The following RDH10 variants were observed in gnomAD, a reference collection of about 807,000 sequenced individuals.
The protein encoded by RDH10 is retinol dehydrogenase 10 (all-trans).
A neutral mutation model predicts 30.2 loss-of-function variants in RDH10; 12 were observed. The ratio of observed to expected loss-of-function variants is 0.40; its 90% CI spans 0.25 to 0.64. The LOEUF is 0.64. Ranked by LOEUF, RDH10 falls within the 30% of genes least tolerant of loss-of-function variation. The probability of loss-of-function intolerance (pLI) is 0.43; values close to 1 mark genes in which losing one functional copy is unlikely to be tolerated. For synonymous variants in RDH10, 189 were observed against 172.2 expected (o/e 1.10, Z -0.76); for missense variants, 268 against 445.2 (o/e 0.60, Z 3.58).
chr8:73,320,427 G>T (rs1814745026), intron 3 of RDH10, among the ~76,000 whole-genome samples: 1 of 151,234 alleles, frequency 6.6e-6, no homozygotes, highest in Non-Finnish European at 1.5e-5. Flanking sequence ...ACCACATCAG[G>T]TATCTGGTTT....
chr8:73,314,459 T>G (rs891175882), intron 2 of RDH10, among the ~76,000 whole-genome samples: 4 of 152,224 alleles, frequency 2.6e-5, no homozygotes, highest in Non-Finnish European at 5.9e-5. Flanking sequence ...TTGGAGTAAT[T>G]GCTCGCCTCT....
chr8:73,322,014 G>C (rs767461093), intron 4 of RDH10: 3 of 456,178 alleles, frequency 6.6e-6, no homozygotes, highest in South Asian at 4.6e-5. Context: ...ATGTACTTGG[G>C]AAGCAGTTGC....
In RDH10 at chr8:73,297,472, A is replaced by G; in HGVS notation, c.525+43A>G. On this transcript the variant is annotated intron_variant, in intron 2 of 5. Coordinates refer to ENST00000240285, the MANE Select transcript of RDH10 (RefSeq NM_172037.5). The stretch of plus-strand genomic sequence containing the variant: ...TGTTTTCTTTGCTGGGCCCTCCTTA[A>G]TGAGAAGGTTGGGAAGGGGAGAGAC... The G allele has an allele frequency of 5.0e-6, 7 of 1,399,966 alleles. No individual in the cohort carries two copies. In the South Asian group the frequency reaches 5.8e-5, roughly 12 times the overall value. 86.7% of individuals were successfully genotyped at this position (1,399,966 alleles called of 1,614,324 possible).
At chr8:73,301,171 C>G (rs1814367803) in intron 2 of RDH10, among the ~76,000 whole-genome samples, 1 of 150,188 alleles carries the variant, frequency 6.7e-6, no homozygotes, top group Admixed American at 6.6e-5. Flanking sequence ...CTGCCTCAGC[C>G]TCCCGAGTAG....
At chr8:73,305,289 A>T (rs1421179202) in intron 2 of RDH10, among the ~76,000 whole-genome samples, 2 of 152,234 alleles carry the variant, frequency 1.3e-5, no homozygotes, top group Non-Finnish European at 2.9e-5. Context: ...AATTCTAATG[A>T]ATCGGTTTTA....
At chr8:73,301,042 C>CTTTTTTTT (rs57107587) in intron 2 of RDH10, among the ~76,000 whole-genome samples, 2 of 87,238 alleles carry the variant, frequency 2.3e-5, no homozygotes, top group African/African-American at 4.8e-5. Context: ...AAACTCTATT[C>CTTTTTTTT]TTTTTTTTTT....
intron 2 of RDH10, among the ~76,000 whole-genome samples, chr8:73,301,340 G>A (rs561755838): frequency 6.0e-5 from 9 of 150,814 alleles, no homozygotes; most frequent in Non-Finnish European, 1.0e-4. Context: ...GTGAGCCACC[G>A]CGCCCGGCCA....
At chr8:73,308,490 G>A (rs1814501395) in intron 2 of RDH10, among the ~76,000 whole-genome samples, 1 of 152,190 alleles carries the variant, frequency 6.6e-6, no homozygotes, top group South Asian at 2.1e-4. Context: ...CCAAGGTAAA[G>A]TTGGAAAGCC....
intron 2 of RDH10, among the ~76,000 whole-genome samples, chr8:73,314,746 C>T (rs1021273955): frequency 3.3e-5 from 5 of 152,142 alleles, no homozygotes; most frequent in African/African-American, 7.2e-5. Flanking sequence ...TGGTTGTTGA[C>T]GCTGTGAGTG....
intron 2 of RDH10, among the ~76,000 whole-genome samples, chr8:73,306,682 G>A (rs892269930): frequency 2.0e-5 from 3 of 152,218 alleles, no homozygotes; most frequent in African/African-American, 7.2e-5. Flanking sequence ...AACTTTCAAA[G>A]ATCACACAAA....
chr8:73,304,576 T>C (rs1026557568), intron 2 of RDH10, among the ~76,000 whole-genome samples: 2 of 152,196 alleles, frequency 1.3e-5, no homozygotes, highest in Admixed American at 6.5e-5. Context: ...CTTCCAAAGC[T>C]GATTTCCACC....
At chr8:73,307,126 C>T (rs1182696225) in intron 2 of RDH10, among the ~76,000 whole-genome samples, 2 of 152,068 alleles carry the variant, frequency 1.3e-5, no homozygotes, top group Non-Finnish European at 1.5e-5. Context: ...TTAAGTGTTG[C>T]GATTTTTACT....
Position 73,295,116 on chromosome 8 carries a change from G to T in RDH10, c.-174G>T, listed in dbSNP as rs1814234491. 1 of 461,932 alleles carries T rather than the reference G, an allele frequency of 2.2e-6. No individual in the cohort carries two copies. Among genetic ancestry groups the T allele is most frequent in the Non-Finnish European group, 3.5e-6 (1 of 282,982 alleles). 28.6% of individuals were successfully genotyped at this position (461,932 alleles called of 1,614,324 possible). A position where few individuals can be genotyped will look rare whatever the true frequency, so the allele number is the denominator to read the frequency against. On this transcript the variant is annotated 5_prime_UTR_variant, in exon 1 of 6. Coordinates refer to ENST00000240285, the MANE Select transcript of RDH10 (RefSeq NM_172037.5). ...CCCGGGCGGGAGTGGCCCCGCGCAG[G>T]CAGGGAGCGGCGCCGCGCACTCCAA...
At chr8:73,306,968 T>C (rs941370952) in intron 2 of RDH10, among the ~76,000 whole-genome samples, 1 of 152,222 alleles carries the variant, frequency 6.6e-6, no homozygotes. Flanking sequence ...CCACCTTAAG[T>C]TGTAATTAAC....
At chr8:73,298,516 CTTTA>C (rs138548865) in intron 2 of RDH10, among the ~76,000 whole-genome samples, 62,206 of 150,854 alleles carry the variant, frequency 0.41, 13,877 homozygotes, top group South Asian at 0.65. Flanking sequence ...TAAATATGAA[CTTTA>C]TTTATTTATT....
At position 73,323,242 on chromosome 8, in the gene RDH10, A is replaced by G. The variant is rs1586198458; in HGVS notation, c.*206A>G. On this transcript the variant is annotated 3_prime_UTR_variant, in exon 6 of 6. Transcript: ENST00000240285. Reference sequence around the variant, plus strand: ...TACAAGTGAACTTAGGTTGTTGCCAACAGGGTCCTTTTAGGCAGAACCCAG... The same window carrying G: ...TACAAGTGAACTTAGGTTGTTGCCAGCAGGGTCCTTTTAGGCAGAACCCAG... 20 of 453,208 alleles carry G rather than the reference A, an allele frequency of 4.4e-5. No individual in the cohort carries two copies. In the East Asian group the frequency reaches 7.8e-4, roughly 18 times the overall value. 28.1% of individuals were successfully genotyped at this position (453,208 alleles called of 1,614,324 possible).
At chr8:73,302,858 C>G (rs1209271691) in intron 2 of RDH10, among the ~76,000 whole-genome samples, 3 of 152,090 alleles carry the variant, frequency 2.0e-5, no homozygotes, top group East Asian at 1.9e-4. Flanking sequence ...TCTGTAGATC[C>G]TTTTTAACCG....
At chr8:73,306,142 C>T (rs1024555770) in intron 2 of RDH10, among the ~76,000 whole-genome samples, 1 of 152,214 alleles carries the variant, frequency 6.6e-6, no homozygotes, top group African/African-American at 2.4e-5. Flanking sequence ...AATTATCATT[C>T]TGTTAAGATA....
intron 1 of RDH10, among the ~76,000 whole-genome samples, chr8:73,296,562 T>A (rs1046142757): frequency 6.6e-6 from 1 of 152,176 alleles, no homozygotes; most frequent in Admixed American, 6.5e-5. Flanking sequence ...CGATTTTGGT[T>A]TTTAAATTGT....
Sources: gnomAD v4.1 joint callset for allele counts (sites outside exome capture counted in the v4.1 genomes callset) on GRCh38, gnomAD v4.1.1 for gene constraint, MANE v1.5 for transcripts, NCBI Gene and HGNC (gene_info 2026-07-23, HGNC 2026-07-21) for gene names.